The following COL27A1 variants were observed in gnomAD, a reference collection of about 807,000 sequenced individuals.
The protein encoded by COL27A1 is collagen alpha-1(XXVII) chain.
COL27A1 carries 106 observed loss-of-function variants against 251.3 expected under a neutral mutation model. That is an observed-to-expected ratio of 0.42 (90% confidence interval 0.36 to 0.50). COL27A1 has a LOEUF of 0.50. Among genes scored for constraint, COL27A1 ranks in the 20% least tolerant of loss-of-function variants. COL27A1 has a pLI of 0.00. For missense variants in COL27A1, 2,325 were observed against 2,522.8 expected (o/e 0.92, Z 1.68); for synonymous variants, 1,000 against 986.3 (o/e 1.01, Z -0.26).
chr9:114,276,049 C>A (rs1835484623), intron 37 of COL27A1, among the ~76,000 whole-genome samples: 1 of 152,188 alleles, frequency 6.6e-6, no homozygotes, highest in African/African-American at 2.4e-5. Context: ...ACACACTAAA[C>A]TTTTTTCAGT....
Position 114,183,055 on chromosome 9 carries a change from C to T in COL27A1, c.1996C>T (p.Pro666Ser), listed in dbSNP as rs1171246350. The T allele has an allele frequency of 1.2e-6, 2 of 1,613,524 alleles. No homozygotes were observed. The highest frequency in any genetic ancestry group is 1.7e-5 in the Admixed American group (1 of 60,016). Reference sequence around the variant, plus strand: ...TGGGCCTTATGGAAATCCAGGTCTCCCCGGCCCTCCTGGAGCCAAAGTGAG... The same window carrying T: ...TGGGCCTTATGGAAATCCAGGTCTCTCCGGCCCTCCTGGAGCCAAAGTGAG... ...PPGPYGNPGL[P>S]GPPGAKGQKG... Residue 666 changes from proline to serine, a missense_variant, in exon 5 of 61, where the codon CCC (proline) becomes TCC (serine). Physicochemically the swap from Pro to Ser is moderately conservative, Grantham distance 74. Coordinates refer to ENST00000356083, the MANE Select transcript of COL27A1 (RefSeq NM_032888.4).
Position 114,258,538 on chromosome 9 carries a change from C to A in COL27A1, c.3142-3C>A, listed in dbSNP as rs1178952585. 1.2e-6 allele frequency: 2 copies of A among 1,613,742 alleles called. No homozygotes were observed. The highest frequency in any genetic ancestry group is 1.1e-5 in the South Asian group (1 of 90,906). The stretch of plus-strand genomic sequence containing the variant: ...CTCTCCAAACTCTTTCTCCTCTTCC[C>A]AGGGTCCTCCAGGATCTCGAGGCCC... On this transcript the variant is annotated splice_region_variant and splice_polypyrimidine_tract_variant and intron_variant, in intron 27 of 60. Coordinates refer to ENST00000356083, the MANE Select transcript of COL27A1 (RefSeq NM_032888.4).
intron 49 of COL27A1, among the ~76,000 whole-genome samples, chr9:114,298,046 G>T (rs181103848): frequency 6.6e-6 from 1 of 151,514 alleles, no homozygotes. Flanking sequence ...TGTGCCTATA[G>T]TCCTAGCTAC....
intron 15 of COL27A1, 93 bp from the exon 16 acceptor site, chr9:114,231,729 A>G: frequency 7.8e-7 from 1 of 1,275,870 alleles, no homozygotes; most frequent in Non-Finnish European, 1.1e-6. Context: ...GGGATCTAGC[A>G]CGGGGTCTTG....
At chr9:114,252,062 CA>C (rs1208208649) in intron 25 of COL27A1, among the ~76,000 whole-genome samples, 2 of 152,218 alleles carry the variant, frequency 1.3e-5, no homozygotes, top group Admixed American at 1.3e-4. Context: ...GAACCCAGAG[CA>C]CCTACCTTCT....
chr9:114,306,732 G>C, intron 58 of COL27A1, 44 bp downstream of exon 58: 1 of 1,598,598 alleles, frequency 6.3e-7, no homozygotes, highest in Middle Eastern at 1.7e-4. Context: ...TGGCGGTGGG[G>C]AGCTGGGGCA....
intron 28 of COL27A1, among the ~76,000 whole-genome samples, chr9:114,261,646 C>T (rs1834345798): frequency 6.6e-6 from 1 of 152,214 alleles, no homozygotes; most frequent in South Asian, 2.1e-4. Flanking sequence ...TTGTCTTCTC[C>T]AACACCAGGC....
rs369184783 is a variant in COL27A1 at position 114,196,011 on chromosome 9, A to G, written c.2123A>G (p.Lys708Arg). The G allele has an allele frequency of 3.0e-5, 49 of 1,613,784 alleles. No individual in the cohort carries two copies. Among genetic ancestry groups the G allele is most frequent in the Non-Finnish European group, 4.2e-5 (49 of 1,179,882 alleles). ...GGGAATCCAGGACCTCCGGGACGAA[A>G]GGTACTGTTTGGTTTTGATGCTTTG... The part of the protein sequence containing the change: ...LSGNPGPPGR[K>R]GHKGYPGPAG... Residue 708 changes from lysine to arginine, a missense_variant and splice_region_variant, in exon 7 of 61, where the codon AAG becomes AGG. By Grantham distance (26) the Lys-to-Arg change is conservative. This residue lies in a region of COL27A1 where 1,183 missense variants were observed against 1,144.1 expected (regional missense o/e 1.03). Transcript: ENST00000356083.
intron 27 of COL27A1, among the ~76,000 whole-genome samples, chr9:114,258,121 C>T (rs1426151807): frequency 1.3e-5 from 2 of 152,116 alleles, no homozygotes; most frequent in African/African-American, 2.4e-5. Context: ...CACTTGAGCC[C>T]GGAGCTCAAG....
chr9:114,207,153 C>T (rs1035355506), intron 10 of COL27A1, among the ~76,000 whole-genome samples: 4 of 152,204 alleles, frequency 2.6e-5, no homozygotes, highest in Non-Finnish European at 4.4e-5. Context: ...GGGGGTCACA[C>T]AGTCCTCGGT....
At chr9:114,182,208 A>ATAATAATAATAAAAT (rs1554792818) in intron 4 of COL27A1, among the ~76,000 whole-genome samples, 1 of 142,636 alleles carries the variant, frequency 7.0e-6, no homozygotes, top group African/African-American at 2.5e-5. Context: ...AAAAATAATA[A>ATAATAATAATAAAAT]AATAAAAATA....
At chr9:114,265,806 C>T (rs953277719) in intron 32 of COL27A1, among the ~76,000 whole-genome samples, 4 of 152,332 alleles carry the variant, frequency 2.6e-5, no homozygotes, top group South Asian at 2.1e-4. Context: ...TAAGAGTAAA[C>T]GAACAAGCTG....
intron 55 of COL27A1, 107 bp from the exon 56 acceptor site, chr9:114,301,975 C>G: frequency 2.6e-6 from 3 of 1,165,048 alleles, no homozygotes; most frequent in Non-Finnish European, 3.8e-6. Context: ...CAGAGGCCAG[C>G]TTGGCAGGTC....
In COL27A1 at chr9:114,167,768, G is replaced by C; in HGVS notation, c.213G>C (p.Gln71His). The change falls in exon 3 of 61, where the codon CAG becomes CAC. Residue 71 changes from glutamine (Q) to histidine (H), a missense_variant. Gln to His is a conservative substitution (Grantham distance 24). Around this residue, in one of 4 missense-constraint regions of COL27A1, gnomAD observed 1,183 missense variants for 1,144.1 expected, o/e 1.03. Coordinates refer to ENST00000356083, the MANE Select transcript of COL27A1 (RefSeq NM_032888.4). ...SPAPPGVIPF[Q>H]SGFIFTQRAR... ...CACCCCCGGGAGTCATTCCTTTCCAGTCGGGCTTCATCTTTACGCAGCGGG... is the reference window on the plus strand; with the variant it reads ...CACCCCCGGGAGTCATTCCTTTCCACTCGGGCTTCATCTTTACGCAGCGGG... The C allele has an allele frequency of 6.2e-7, 1 of 1,613,816 alleles. No homozygotes were observed. The highest frequency in any genetic ancestry group is 8.5e-7 in the Non-Finnish European group (1 of 1,180,016).
chr9:114,293,414 C>T (rs1248461739), intron 49 of COL27A1, among the ~76,000 whole-genome samples: 4 of 151,974 alleles, frequency 2.6e-5, no homozygotes, highest in African/African-American at 7.2e-5. Context: ...GTAATAACTT[C>T]TGTGTTAGAA....
intron 13 of COL27A1, among the ~76,000 whole-genome samples, 192 bp downstream of exon 13, chr9:114,220,036 C>T (rs929396262): frequency 3.3e-5 from 5 of 152,174 alleles, no homozygotes; most frequent in African/African-American, 1.2e-4. Context: ...GCTGCACCGT[C>T]GCCCCCCTGT....
chr9:114,262,622 T>G (rs1172373322), intron 28 of COL27A1, among the ~76,000 whole-genome samples: 1 of 152,238 alleles, frequency 6.6e-6, no homozygotes, highest in East Asian at 1.9e-4. Flanking sequence ...AGAGATTTCT[T>G]GTGCCCATTT....
At chr9:114,210,491 G>C (rs991607282) in intron 11 of COL27A1, among the ~76,000 whole-genome samples, 6 of 152,130 alleles carry the variant, frequency 3.9e-5, no homozygotes, top group Non-Finnish European at 7.4e-5. Flanking sequence ...GTTTGGTGGT[G>C]GGCAGTGGGT....
intron 1 of COL27A1, among the ~76,000 whole-genome samples, chr9:114,162,160 C>T (rs1848538641): frequency 6.6e-6 from 1 of 152,242 alleles, no homozygotes; most frequent in South Asian, 2.1e-4. Context: ...CTTCACACAG[C>T]ACTGGTTCTG....
Sources: gnomAD v4.1 joint callset for allele counts (sites outside exome capture counted in the v4.1 genomes callset) on GRCh38, gnomAD v4.1.1 for gene constraint, gnomAD v4.1.1 regional missense constraint, MANE v1.5 for transcripts, NCBI Gene and HGNC (gene_info 2026-07-23, HGNC 2026-07-21) for gene names.